CENPQ: variants seen among roughly 807,000 people sequenced by gnomAD.
CENPQ encodes the protein chromosome 6 open reading frame 139.
CENPQ carries 27 observed loss-of-function variants against 36.6 expected under a neutral mutation model. The observed-to-expected ratio is 0.74, with a 90% CI of 0.54 to 1.02. CENPQ has a LOEUF of 1.02. CENPQ is among the 50% of genes least tolerant of loss of function. The pLI is 0.00. For synonymous variants in CENPQ, 101 were observed against 101.7 expected, an observed-to-expected ratio of 0.99 and a Z score of 0.04; for missense variants, 306 against 301.8, an observed-to-expected ratio of 1.01 and a Z score of -0.10.
intron 1 of CENPQ, among the ~76,000 whole-genome samples, chr6:49,464,999 A>G (rs777507761): frequency 2.6e-5 from 4 of 152,266 alleles, no homozygotes; most frequent in Non-Finnish European, 4.4e-5. Context: ...GCCCAGATCC[A>G]TCAGAGGAAT....
chr6:49,476,325 A>T (rs1768290702), intron 5 of CENPQ, among the ~76,000 whole-genome samples: 1 of 152,242 alleles, frequency 6.6e-6, no homozygotes, highest in Non-Finnish European at 1.5e-5. Flanking sequence ...CAATGGGGAA[A>T]GGATTCCTAT....
At chr6:49,476,684 G>A (rs1768300561) in intron 5 of CENPQ, among the ~76,000 whole-genome samples, 1 of 151,942 alleles carries the variant, frequency 6.6e-6, no homozygotes, top group South Asian at 2.1e-4. Flanking sequence ...TCTGACAAAG[G>A]GCTAATATCC....
At chr6:49,478,820 AC>A (rs1253950620) in intron 5 of CENPQ, among the ~76,000 whole-genome samples, 3 of 152,164 alleles carry the variant, frequency 2.0e-5, no homozygotes. Context: ...AAAGGAACAT[AC>A]TTCCAGAAAG....
chr6:49,489,614 G>T (rs982586374), intron 8 of CENPQ, among the ~76,000 whole-genome samples: 4 of 152,032 alleles, frequency 2.6e-5, no homozygotes, highest in Admixed American at 2.6e-4. Context: ...AATTTATTTT[G>T]CCCAGATCCA....
chr6:49,481,655 G>A (rs777101589), intron 6 of CENPQ, among the ~76,000 whole-genome samples: 4 of 152,176 alleles, frequency 2.6e-5, no homozygotes, highest in Admixed American at 1.3e-4. Context: ...GATTGGTAGA[G>A]CCGAGTGGTC....
At position 49,472,191 on chromosome 6, in the gene CENPQ, T is replaced by A; in HGVS notation, c.278+8T>A. 1 of 1,590,968 alleles carries A rather than the reference T, an allele frequency of 6.3e-7. No individual in the cohort carries two copies. The highest frequency in any genetic ancestry group is 8.5e-7 in the Non-Finnish European group (1 of 1,169,854). On this transcript the variant is annotated splice_region_variant and intron_variant, in intron 4 of 8. Coordinates refer to ENST00000335783, the MANE Select transcript of CENPQ (RefSeq NM_018132.4). Reference sequence around the variant, plus strand: ...GATGGAATCAGTAATAATGTGAGTATAAAATTGTTCCATTTCATTCTTTTG... The same window carrying A: ...GATGGAATCAGTAATAATGTGAGTAAAAAATTGTTCCATTTCATTCTTTTG...
At chr6:49,488,801 G>A (rs1581857067) in intron 8 of CENPQ, 117 bp downstream of exon 8, 3 of 776,330 alleles carry the variant, frequency 3.9e-6, no homozygotes, top group East Asian at 2.5e-5. Context: ...AAATGTTTTG[G>A]TTTCCCACGG....
intron 5 of CENPQ, among the ~76,000 whole-genome samples, chr6:49,476,694 C>T (rs1561966936): frequency 1.3e-5 from 2 of 152,100 alleles, no homozygotes; most frequent in African/African-American, 4.8e-5. Context: ...GGCTAATATC[C>T]AGAATCTACA....
In CENPQ at chr6:49,492,920, C is replaced by T. The variant is rs1354016237; in HGVS notation, c.*645C>T. On this transcript the variant is annotated 3_prime_UTR_variant, in exon 9 of 9. Coordinates refer to ENST00000335783, the MANE Select transcript of CENPQ (RefSeq NM_018132.4). Reference sequence around the variant, plus strand: ...AAAGTATTAAAAAGGAACCTTAGCACATTTATTTTATTAAAACAAGAAAAC... The same window carrying T: ...AAAGTATTAAAAAGGAACCTTAGCATATTTATTTTATTAAAACAAGAAAAC... The T allele has an allele frequency of 6.6e-6, 1 of 152,542 alleles. No homozygotes were observed. Among genetic ancestry groups the T allele is most frequent in the African/African-American group, 2.4e-5 (1 of 41,422 alleles). 9.4% of individuals were successfully genotyped at this position (152,542 alleles called of 1,614,324 possible). A position where few individuals can be genotyped will look rare whatever the true frequency, so the allele number is the denominator to read the frequency against.
rs188241922 is a variant in CENPQ at position 49,474,886 on chromosome 6, G to T, written c.347+2028G>T. On this transcript the variant is annotated intron_variant, in intron 5 of 8. Transcript: ENST00000335783. Reference sequence around the variant, plus strand: ...CAGAGAATACTATAAACACCTCTACGCAAATAAAATAGAAAATCTAGAAGA... The same window carrying T: ...CAGAGAATACTATAAACACCTCTACTCAAATAAAATAGAAAATCTAGAAGA... Among the ~76,000 whole-genome samples the T allele has an allele frequency of 1.6e-3, 250 of 152,026 alleles. 3 individuals carry two copies. Among genetic ancestry groups the T allele is most frequent in the Non-Finnish European group, 6.6e-4 (45 of 67,976 alleles).
intron 8 of CENPQ, among the ~76,000 whole-genome samples, chr6:49,489,390 A>G (rs574172316): frequency 2.6e-5 from 4 of 152,288 alleles, no homozygotes; most frequent in African/African-American, 9.6e-5. Flanking sequence ...GTACATCTTC[A>G]GGCTCCACTT....
intron 5 of CENPQ, among the ~76,000 whole-genome samples, chr6:49,473,450 C>G (rs1333528342): frequency 6.6e-6 from 1 of 152,016 alleles, no homozygotes; most frequent in Non-Finnish European, 1.5e-5. Flanking sequence ...AAATAAAATC[C>G]TTTACAGACA....
intron 6 of CENPQ, among the ~76,000 whole-genome samples, chr6:49,485,147 A>G (rs143210537): frequency 9.1e-4 from 138 of 152,356 alleles, no homozygotes; most frequent in African/African-American, 3.2e-3. Flanking sequence ...AGCAGCTTGT[A>G]AACTCTATCT....
intron 6 of CENPQ, among the ~76,000 whole-genome samples, chr6:49,484,048 G>A (rs1327156755): frequency 6.6e-6 from 1 of 152,218 alleles, no homozygotes; most frequent in Non-Finnish European, 1.5e-5. Context: ...TCAATTTAGA[G>A]GAGCTTATCA....
intron 2 of CENPQ, 115 bp from the exon 3 acceptor site, chr6:49,470,859 G>A (rs1768115601): frequency 2.0e-6 from 1 of 490,354 alleles, no homozygotes; most frequent in Non-Finnish European, 3.3e-6. Context: ...TTTTTTCTAT[G>A]TACTAGAAAT....
intron 5 of CENPQ, among the ~76,000 whole-genome samples, chr6:49,474,767 G>A (rs561795659): frequency 2.6e-5 from 4 of 152,030 alleles, no homozygotes; most frequent in African/African-American, 4.8e-5. Flanking sequence ...CCACTAGCAA[G>A]ACTAATAAGA....
chr6:49,477,896 T>A (rs1393177266), intron 5 of CENPQ, among the ~76,000 whole-genome samples: 1 of 152,236 alleles, frequency 6.6e-6, no homozygotes, highest in African/African-American at 2.4e-5. Flanking sequence ...CTGTTTAGGA[T>A]CTTTTTAATA....
chr6:49,483,886 G>T lies in CENPQ; in HGVS notation c.477+2806G>T, dbSNP rs1162110417. ...CCCACAGTGCAGCAGTGGGCTGAAGGGCTCCTCAAGTGCCGCCAAAGTGGG... is the reference window on the plus strand; with the variant it reads ...CCCACAGTGCAGCAGTGGGCTGAAGTGCTCCTCAAGTGCCGCCAAAGTGGG... On this transcript the variant is annotated intron_variant, in intron 6 of 8. Transcript: ENST00000335783. Among the ~76,000 whole-genome samples, 3 of 152,382 alleles carry T rather than the reference G, an allele frequency of 2.0e-5. No individual in the cohort carries two copies. The East Asian group carries it at 5.8e-4, about 29-fold the overall frequency.
intron 5 of CENPQ, among the ~76,000 whole-genome samples, chr6:49,480,184 T>C (rs1768395348): frequency 6.6e-6 from 1 of 152,168 alleles, no homozygotes; most frequent in Admixed American, 6.5e-5. Flanking sequence ...TCTTCAAATC[T>C]TAAGTAGTAG....
Sources: allele counts gnomAD v4.1 joint callset (sites outside exome capture counted in the v4.1 genomes callset), GRCh38; gene constraint gnomAD v4.1.1; transcripts MANE v1.5; gene names NCBI Gene and HGNC (gene_info 2026-07-23, HGNC 2026-07-21).